CD302: variants seen among roughly 807,000 people sequenced by gnomAD.
CD302 encodes the protein CD302 molecule, also known as CD302 antigen.
CD302 carries 23 observed loss-of-function variants against 26.5 expected under a neutral mutation model. That is an observed-to-expected ratio of 0.87 (90% CI 0.62 to 1.23). The LOEUF is 1.23. Ranked by LOEUF, CD302 falls within the 50% of genes most tolerant of loss-of-function variation. The probability of loss-of-function intolerance (pLI) is 0.00; values close to 1 mark genes in which losing one functional copy is unlikely to be tolerated. For synonymous variants in CD302, 90 were observed against 99.4 expected, an observed-to-expected ratio of 0.91 and a Z score of 0.56; for missense variants, 290 against 275.5, an observed-to-expected ratio of 1.05 and a Z score of -0.37.
intron 5 of CD302, among the ~76,000 whole-genome samples, chr2:159,777,228 G>A (rs539566140): frequency 6.6e-6 from 1 of 152,134 alleles, no homozygotes; most frequent in Non-Finnish European, 1.5e-5. Context: ...TCCGCAAATG[G>A]GTAAAAGCCT....
chr2:159,777,905 T>TG, intron 5 of CD302, 33 bp downstream of exon 5: 1 of 999,842 alleles, frequency 1.0e-6, no homozygotes, highest in Non-Finnish European at 1.5e-6. Context: ...TTTTTAATTG[T>TG]GGGAAAAATT....
At chr2:159,789,146 T>C (rs1371212331) in intron 1 of CD302, among the ~76,000 whole-genome samples, 2 of 142,358 alleles carry the variant, frequency 1.4e-5, no homozygotes, top group African/African-American at 5.3e-5. Flanking sequence ...GCCTCCTGAG[T>C]AGACAGGATG....
chr2:159,780,726 T>G (rs1708480273), intron 3 of CD302, among the ~76,000 whole-genome samples, 156 bp downstream of exon 3: 1 of 152,194 alleles, frequency 6.6e-6, no homozygotes, highest in Non-Finnish European at 1.5e-5. Context: ...GCTATGCAGA[T>G]ACAAGCTGTG....
chr2:159,798,136 G>T lies in CD302; in HGVS notation c.63C>A (p.Val21=), dbSNP rs1560054411. The T allele has an allele frequency of 2.7e-6, 4 of 1,487,430 alleles. No homozygotes were observed. Among genetic ancestry groups the T allele is most frequent in the South Asian group, 1.3e-5 (1 of 79,182 alleles). 92.1% of individuals were successfully genotyped at this position (1,487,430 alleles called of 1,614,324 possible). A position where few individuals can be genotyped will look rare whatever the true frequency, so the allele number is the denominator to read the frequency against. Residue 21 remains valine, a synonymous_variant, in exon 1 of 6, where the codon GTC becomes GTA. Transcript: ENST00000259053. ...LPLLGLAAAA[V]ADCPSSTWIQ... ...AGGGACTACGTAAGGGCTTACCCGC[G>T]ACGGCAGCAGCGGCGAGGCCCAGCA... is the stretch of plus-strand genomic sequence containing the variant.
At chr2:159,772,699 A>C (rs1008534976) in intron 5 of CD302, among the ~76,000 whole-genome samples, 17 of 152,244 alleles carry the variant, frequency 1.1e-4, no homozygotes, top group African/African-American at 3.8e-4. Context: ...TATTATGTAT[A>C]GTAATCGACT....
At chr2:159,775,259 A>G (rs1025258942) in intron 5 of CD302, among the ~76,000 whole-genome samples, 3 of 152,238 alleles carry the variant, frequency 2.0e-5, no homozygotes, top group Non-Finnish European at 4.4e-5. Flanking sequence ...TACTCACTAA[A>G]TTACATACAC....
intron 1 of CD302, among the ~76,000 whole-genome samples, chr2:159,790,525 C>G (rs985201516): frequency 6.6e-6 from 1 of 152,164 alleles, no homozygotes; most frequent in Non-Finnish European, 1.5e-5. Flanking sequence ...AGAGACATGA[C>G]AGAGGACACA....
intron 1 of CD302, among the ~76,000 whole-genome samples, chr2:159,784,285 G>C: frequency 6.7e-6 from 1 of 149,658 alleles, no homozygotes; most frequent in East Asian, 2.0e-4. Flanking sequence ...TTTGTATATA[G>C]GTAAAAATCT....
At chr2:159,784,972 CTTT>C (rs35915930) in intron 1 of CD302, among the ~76,000 whole-genome samples, 24 of 111,694 alleles carry the variant, frequency 2.1e-4, no homozygotes, top group Middle Eastern at 4.8e-3. Context: ...TCCGTACAGA[CTTT>C]TTTTTTTTTT....
At chr2:159,788,284 G>A (rs1026621577) in intron 1 of CD302, among the ~76,000 whole-genome samples, 11 of 152,122 alleles carry the variant, frequency 7.2e-5, no homozygotes, top group African/African-American at 2.7e-4. Context: ...TTCCCATGAG[G>A]TTATAATACC....
At chr2:159,783,553 A>G (rs568401614) in intron 1 of CD302, 84 bp from the exon 2 acceptor site, 1 of 1,006,576 alleles carries the variant, frequency 9.9e-7, no homozygotes, top group African/African-American at 1.6e-5. Context: ...ATTAGATACT[A>G]AATTTTCACA....
chr2:159,781,634 AGAAAG>A (rs1277948967), intron 2 of CD302: 1 of 151,986 alleles, frequency 6.6e-6, no homozygotes. Context: ...AGAAAAAGGA[AGAAAG>A]GAAAGAAAAT....
chr2:159,771,702 T>C lies in CD302; in HGVS notation c.*149A>G. On this transcript the variant is annotated 3_prime_UTR_variant, in exon 6 of 6. Transcript: ENST00000259053. ...TTTTTTTAATGAACCTAAAGACTTT[T>C]CACAGCAGATGAGTACATAAAAATG... The C allele has an allele frequency of 1.1e-6, 1 of 880,030 alleles. No individual in the cohort carries two copies. The allele number at this position is 880,030 out of a possible 1,614,324, so 54.5% of individuals were successfully genotyped here.
At chr2:159,791,212 G>A (rs1708798117) in intron 1 of CD302, among the ~76,000 whole-genome samples, 3 of 152,140 alleles carry the variant, frequency 2.0e-5, no homozygotes. Context: ...GACATGCTCA[G>A]GCTACCAGAT....
At chr2:159,783,326 G>T in intron 2 of CD302, 33 bp downstream of exon 2, 6 of 1,521,764 alleles carry the variant, frequency 3.9e-6, no homozygotes, top group South Asian at 1.3e-5. Context: ...ACTAATTTGT[G>T]AAAAAACAAA....
intron 5 of CD302, among the ~76,000 whole-genome samples, chr2:159,775,512 C>T (rs1404208019): frequency 2.6e-5 from 4 of 152,168 alleles, no homozygotes; most frequent in African/African-American, 4.8e-5. Flanking sequence ...ATACTGTGCT[C>T]CTGCTCCACT....
At chr2:159,793,179 T>C (rs1230814506) in intron 1 of CD302, among the ~76,000 whole-genome samples, 2 of 152,234 alleles carry the variant, frequency 1.3e-5, no homozygotes, top group Admixed American at 6.5e-5. Context: ...TTGTTATTAA[T>C]AATGCACTTA....
At chr2:159,783,218 G>T in intron 2 of CD302, 141 bp downstream of exon 2, 1 of 619,612 alleles carries the variant, frequency 1.6e-6, no homozygotes, top group Non-Finnish European at 2.7e-6. Context: ...CCTGTAGCTT[G>T]TGTGTTGTCA....
At chr2:159,781,386 CAAAA>C (rs11451100) in intron 2 of CD302, 7 of 129,934 alleles carry the variant, frequency 5.4e-5, no homozygotes, top group Non-Finnish European at 7.0e-5. Flanking sequence ...CTGTCCCTAC[CAAAA>C]AAAAATAAAA....
Sources: gnomAD v4.1 joint callset for allele counts (sites outside exome capture counted in the v4.1 genomes callset) on GRCh38, gnomAD v4.1.1 for gene constraint, MANE v1.5 for transcripts, NCBI Gene and HGNC (gene_info 2026-07-23, HGNC 2026-07-21) for gene names.